NEB: variants seen among roughly 807,000 people sequenced by gnomAD.
NEB encodes the protein nebulin, also known as nemaline myopathy type 2.
Under a neutral mutation model 952.2 loss-of-function variants are expected in NEB, and 512 were observed. The ratio of observed to expected loss-of-function variants is 0.54; its 90% CI spans 0.50 to 0.58. The LOEUF is 0.58. Among genes scored for constraint, NEB ranks in the 20% least tolerant of loss-of-function variants. The pLI is 0.00. For missense variants in NEB, 8,428 were observed against 9,231.1 expected, an observed-to-expected ratio of 0.91 and a Z score of 3.56; for synonymous variants, 2,900 against 3,149.8, an observed-to-expected ratio of 0.92 and a Z score of 2.66.
intron 168 of NEB, among the ~76,000 whole-genome samples, chr2:151,500,431 T>C (rs1382244250): frequency 1.6e-5 from 2 of 126,696 alleles, no homozygotes; most frequent in East Asian, 2.3e-4. Flanking sequence ...AATACACAAA[T>C]AATTTGTGTG....
Position 151,636,912 on chromosome 2 carries a change from C to T in NEB, c.8995-578G>A, listed in dbSNP as rs1412296100. Among the ~76,000 whole-genome samples, 4 of 151,894 alleles carry T rather than the reference C, an allele frequency of 2.6e-5. No individual in the cohort carries two copies. In the East Asian group the frequency reaches 7.7e-4, roughly 29 times the overall value. ...TTGTTTTAAAAAATTTTAGTTAAAACAATAAATCCAGTTTAAAAATTACAG... is the reference window on the plus strand; with the variant it reads ...TTGTTTTAAAAAATTTTAGTTAAAATAATAAATCCAGTTTAAAAATTACAG... On this transcript the variant is annotated intron_variant, in intron 63 of 181. Transcript: ENST00000397345.
chr2:151,705,367 C>A (rs904660959), intron 13 of NEB, among the ~76,000 whole-genome samples: 2 of 152,072 alleles, frequency 1.3e-5, no homozygotes, highest in Non-Finnish European at 2.9e-5. Context: ...TTTTTATATT[C>A]CTGTCTTTAT....
chr2:151,537,195 A>T lies in NEB; in HGVS notation c.21144T>A (p.Gly7048=), dbSNP rs2093339533. The change falls in exon 141 of 182, where the codon GGT becomes GGA. Residue 7048 remains glycine (G), a synonymous_variant. Transcript: ENST00000397345. ...AATCAGGGGTATCATAGGCATAGCAACCAATGCCTTTAAGCCAAGTCAAGT... is the reference window on the plus strand; with the variant it reads ...AATCAGGGGTATCATAGGCATAGCATCCAATGCCTTTAAGCCAAGTCAAGT... ...KEDLTWLKGI[G]CYAYDTPDFT... is the part of the protein sequence containing the mutation. 23 of 1,613,054 alleles carry T rather than the reference A, an allele frequency of 1.4e-5. No individual in the cohort carries two copies. The highest frequency in any genetic ancestry group is 2.0e-5 in the Non-Finnish European group (23 of 1,179,382).
At chr2:151,669,429 G>A (rs1205672306) in intron 38 of NEB, among the ~76,000 whole-genome samples, 2 of 152,180 alleles carry the variant, frequency 1.3e-5, no homozygotes, top group African/African-American at 2.4e-5. Flanking sequence ...CATAAAACAT[G>A]TAAACTACAA....
chr2:151,613,574 T>C (rs1579334587), intron 77 of NEB, among the ~76,000 whole-genome samples: 1 of 152,340 alleles, frequency 6.6e-6, no homozygotes, highest in African/African-American at 2.4e-5. Flanking sequence ...ATCTCAAATC[T>C]TTTTATGTCC....
chr2:151,691,742 T>G (rs902552908), intron 23 of NEB, 122 bp downstream of exon 23: 8 of 810,032 alleles, frequency 9.9e-6, no homozygotes, highest in Admixed American at 4.6e-5. Flanking sequence ...AAAACCAAAA[T>G]GTAAAATGTA....
chr2:151,499,889 A>G (rs2063130907), intron 168 of NEB, among the ~76,000 whole-genome samples: 1 of 152,216 alleles, frequency 6.6e-6, no homozygotes, highest in Non-Finnish European at 1.5e-5. Flanking sequence ...TTTCCACAGT[A>G]TCTAATAGGC....
intron 156 of NEB, among the ~76,000 whole-genome samples, chr2:151,517,754 A>T (rs552019813): frequency 6.6e-6 from 1 of 152,188 alleles, no homozygotes. Flanking sequence ...ACCTCTAAGC[A>T]TAGAAAAGGT....
At chr2:151,616,495 A>G (rs888746194) in intron 75 of NEB, among the ~76,000 whole-genome samples, 1 of 152,096 alleles carries the variant, frequency 6.6e-6, no homozygotes, top group Admixed American at 6.5e-5. Flanking sequence ...TTGAGAAGAG[A>G]CCAGCCTGGC....
chr2:151,620,770 T>A, intron 72 of NEB, 149 bp downstream of exon 72: 1 of 580,550 alleles, frequency 1.7e-6, no homozygotes, highest in Middle Eastern at 4.6e-4. Context: ...ATGCTTGTGA[T>A]CTTGGGCAAG....
At chr2:151,614,672 T>A in intron 76 of NEB, 85 bp from the exon 77 acceptor site, 1 of 1,422,726 alleles carries the variant, frequency 7.0e-7, no homozygotes, top group Middle Eastern at 2.2e-4. Context: ...TGTTTCTTTT[T>A]CTTTTCCCCA....
At chr2:151,614,656 T>A in intron 76 of NEB, 69 bp from the exon 77 acceptor site, 2 of 1,462,132 alleles carry the variant, frequency 1.4e-6, no homozygotes, top group Non-Finnish European at 1.9e-6. Context: ...AGGTTCACAT[T>A]CACATTGTTT....
At chr2:151,613,236 G>A (rs1329224922) in intron 77 of NEB, among the ~76,000 whole-genome samples, 2 of 152,134 alleles carry the variant, frequency 1.3e-5, no homozygotes, top group African/African-American at 2.4e-5. Context: ...AGTGCCTAAC[G>A]TATTTCTAGG....
At chr2:151,543,421 C>T (rs924604260) in intron 135 of NEB, among the ~76,000 whole-genome samples, 2 of 152,094 alleles carry the variant, frequency 1.3e-5, no homozygotes, top group African/African-American at 4.8e-5. Flanking sequence ...AAGAGATAAA[C>T]TAAATGAAAA....
At chr2:151,505,986 G>A (rs1292553202) in intron 164 of NEB, 180 bp downstream of exon 164, 16 of 624,212 alleles carry the variant, frequency 2.6e-5, no homozygotes, top group East Asian at 1.6e-4. Context: ...CATGAAAACC[G>A]CCAAGGCACT....
rs201176536 is a variant in NEB at position 151,547,559 on chromosome 2, C to T, written c.20263-26G>A. Reference sequence around the variant, plus strand: ...CTAAAGAAAAAAAAATACCCCAAAACATATGTATTAGAGACCGAATGATTA... The same window carrying T: ...CTAAAGAAAAAAAAATACCCCAAAATATATGTATTAGAGACCGAATGATTA... On this transcript the variant is annotated intron_variant, in intron 132 of 181. Transcript: ENST00000397345. 1.2e-4 allele frequency: 196 copies of T among 1,599,334 alleles called. No homozygotes were observed. The Middle Eastern group carries it at 1.3e-3, about 11-fold the overall frequency.
intron 129 of NEB, among the ~76,000 whole-genome samples, chr2:151,551,181 C>A (rs2095310441): frequency 6.6e-6 from 1 of 151,798 alleles, no homozygotes; most frequent in Non-Finnish European, 1.5e-5. Context: ...GTTGGCCAGG[C>A]TGGTCTCGAA....
In NEB at chr2:151,633,956, T is replaced by C. The variant is rs780293943; in HGVS notation, c.9112A>G (p.Lys3038Glu). Residue 3038 changes from lysine to glutamate, a missense_variant, in exon 65 of 182, where the codon AAA becomes GAA. Physicochemically the swap from Lys to Glu is moderately conservative, Grantham distance 56. Transcript: ENST00000397345. ...SRDIISDYKY[K>E]DGYCKQLGHH... The stretch of plus-strand genomic sequence containing the variant: ...CCAAGTTGCTTGCAGTAACCATCTT[T>C]ATATTTGTACTAAAATGAAAATGCA... 5.6e-5 allele frequency: 90 copies of C among 1,611,912 alleles called. No individual in the cohort carries two copies. Among genetic ancestry groups the C allele is most frequent in the Admixed American group, 8.4e-5 (5 of 59,868 alleles).
At position 151,610,628 on chromosome 2, in the gene NEB, G is replaced by A. The variant is rs1380010126; in HGVS notation, c.11911-5C>T. On this transcript the variant is annotated splice_polypyrimidine_tract_variant and splice_region_variant and intron_variant, in intron 79 of 181. Transcript: ENST00000397345. ...CCATCCCTTGGTGTAAAGTTTCTAG[G>A]GAAGGGATAATAGACGACAGAAAAT... 2.5e-6 allele frequency: 4 copies of A among 1,604,716 alleles called. No individual in the cohort carries two copies. The highest frequency in any genetic ancestry group is 1.1e-5 in the South Asian group (1 of 90,882).
Sources: allele counts gnomAD v4.1 joint callset (sites outside exome capture counted in the v4.1 genomes callset), GRCh38; gene constraint gnomAD v4.1.1; transcripts MANE v1.5; gene names NCBI Gene and HGNC (gene_info 2026-07-23, HGNC 2026-07-21).